Variants in PCDHGB3 observed in about 807,000 individuals in gnomAD.
PCDHGB3 encodes the protein protocadherin gamma subfamily B, 3.
Under a neutral mutation model 59.2 loss-of-function variants are expected in PCDHGB3, and 40 were observed. The ratio of observed to expected loss-of-function variants is 0.68; its 90% CI spans 0.52 to 0.88. PCDHGB3 has a LOEUF of 0.88. Ranked by LOEUF, PCDHGB3 falls within the 40% of genes least tolerant of loss-of-function variation. The probability of loss-of-function intolerance (pLI) is 0.00; values close to 1 mark genes in which losing one functional copy is unlikely to be tolerated. For missense variants in PCDHGB3, 1,309 were observed against 1,187.9 expected (o/e 1.10, Z -1.50); for synonymous variants, 581 against 503.6 (o/e 1.15, Z -2.06).
intron 1 of PCDHGB3, chr5:141,413,303 T>G (rs772421197): frequency 6.8e-6 from 11 of 1,613,942 alleles, no homozygotes; most frequent in Middle Eastern, 3.3e-4. Flanking sequence ...CCTGAGGAAT[T>G]AGAGAAAGGC....
intron 1 of PCDHGB3, chr5:141,376,039 C>T (rs1772194852): frequency 7.4e-6 from 12 of 1,613,226 alleles, no homozygotes; most frequent in Non-Finnish European, 1.0e-5. Context: ...ACGGCCAGCC[C>T]CCTCTCTCCG....
At chr5:141,440,443 T>A (rs979101512) in intron 1 of PCDHGB3, 2 of 152,152 alleles carry the variant, frequency 1.3e-5, no homozygotes, top group Admixed American at 1.3e-4. Flanking sequence ...CAAGGCGCCA[T>A]CTCAAAAAAA....
chr5:141,374,528 T>A (rs759567011), intron 1 of PCDHGB3: 1 of 1,613,048 alleles, frequency 6.2e-7, no homozygotes. Flanking sequence ...CGCAGCTCCA[T>A]CCTCTCGTTT....
rs539406412 is a variant in PCDHGB3, at chr5:141,427,895, G to A, written c.2415+55086G>A. ...CGATGCAGGCCCACGACCAGGGCTCGCCCGCGCTCAGCGCCAACATGAGCC... is the reference window on the plus strand; with the variant it reads ...CGATGCAGGCCCACGACCAGGGCTCACCCGCGCTCAGCGCCAACATGAGCC... On this transcript the variant is annotated intron_variant, in intron 1 of 3. Transcript: ENST00000576222. 373 of 1,569,222 alleles carry A rather than the reference G, an allele frequency of 2.4e-4. 2 individuals are homozygous for A. In the South Asian group the frequency reaches 3.9e-3, roughly 17 times the overall value.
chr5:141,477,804 A>G lies in PCDHGB3; in HGVS notation c.2416-17003A>G. The G allele has an allele frequency of 6.2e-7, 1 of 1,614,088 alleles. No individual in the cohort carries two copies. ...ATATTTGTCACTGATCGCAATGACA[A>G]TGCCCCCCAGGTCCTATATCCTCGG... On this transcript the variant is annotated intron_variant, in intron 1 of 3. Transcript: ENST00000576222. The surrounding 1 kb of genome is among the most constrained non-coding windows in gnomAD (Gnocchi z 4.9).
intron 3 of PCDHGB3, 134 bp downstream of exon 3, chr5:141,505,615 C>T: frequency 2.0e-6 from 3 of 1,504,946 alleles, no homozygotes; most frequent in Non-Finnish European, 1.8e-6. Flanking sequence ...TCTGAAAGGA[C>T]CCACAATTCC....
chr5:141,399,310 A>G, intron 1 of PCDHGB3: 2 of 1,613,936 alleles, frequency 1.2e-6, no homozygotes, highest in Non-Finnish European at 1.7e-6. Context: ...CTCTTCATCC[A>G]AAAATTCGTA....
chr5:141,413,760 C>G (rs778067298), intron 1 of PCDHGB3: 2 of 1,613,250 alleles, frequency 1.2e-6, no homozygotes, highest in African/African-American at 2.7e-5. Context: ...GCGTCAAGTA[C>G]CCGGAGCTGG....
chr5:141,415,368 T>C (rs762653261), intron 1 of PCDHGB3: 1 of 1,614,244 alleles, frequency 6.2e-7, no homozygotes, highest in Non-Finnish European at 8.5e-7. Context: ...TGCTGCAGGC[T>C]TCAGGAGGCG....
chr5:141,409,486 C>T, intron 1 of PCDHGB3: 1 of 1,613,992 alleles, frequency 6.2e-7, no homozygotes, highest in Non-Finnish European at 8.5e-7. Context: ...CTGACAGGGG[C>T]AAGCCGCCTC....
At chr5:141,467,005 G>A (rs1365805332) in intron 1 of PCDHGB3, among the ~76,000 whole-genome samples, 3 of 150,724 alleles carry the variant, frequency 2.0e-5, no homozygotes, top group Non-Finnish European at 4.4e-5. Flanking sequence ...TTTTTGCAAT[G>A]CAATTTTTTT....
At position 141,431,782 on chromosome 5, in the gene PCDHGB3, C is replaced by A. The variant is rs767269112; in HGVS notation, c.2415+58973C>A. The A allele has an allele frequency of 6.2e-7, 1 of 1,614,082 alleles. No homozygotes were observed. On this transcript the variant is annotated intron_variant, in intron 1 of 3. Transcript: ENST00000576222. This position sits in a 1 kb window ranked among gnomAD's most constrained non-coding sequence, Gnocchi z 4.8. Reference sequence around the variant, plus strand: ...TCCTGATCACTGTTCTGGACGTGAACGACAATGCCCCAGAAGTGGTCCTCA... The same window carrying A: ...TCCTGATCACTGTTCTGGACGTGAAAGACAATGCCCCAGAAGTGGTCCTCA...
chr5:141,382,880 G>A, intron 1 of PCDHGB3: 1 of 1,526,962 alleles, frequency 6.5e-7, no homozygotes, highest in Non-Finnish European at 8.8e-7. Context: ...CGGCGCCTAA[G>A]CAAGAGAAGC....
chr5:141,396,626 A>G (rs1273835228), intron 1 of PCDHGB3: 1 of 152,182 alleles, frequency 6.6e-6, no homozygotes, highest in African/African-American at 2.4e-5. Flanking sequence ...TCTCAAAAAA[A>G]AAAAAAACTA....
At chr5:141,484,404 G>C (rs1333849091) in intron 1 of PCDHGB3, among the ~76,000 whole-genome samples, 3 of 152,174 alleles carry the variant, frequency 2.0e-5, no homozygotes, top group Non-Finnish European at 4.4e-5. Flanking sequence ...GGTTTCCGCT[G>C]TGTCTCCTGT....
intron 1 of PCDHGB3, chr5:141,414,983 G>C: frequency 6.2e-7 from 1 of 1,613,716 alleles, no homozygotes; most frequent in Non-Finnish European, 8.5e-7. Context: ...AGAGACTCCG[G>C]CCAGAACGCC....
intron 1 of PCDHGB3, among the ~76,000 whole-genome samples, chr5:141,386,767 T>A (rs749741311): frequency 5.3e-5 from 8 of 152,202 alleles, no homozygotes; most frequent in Non-Finnish European, 1.0e-4. Flanking sequence ...TTATAAGGTA[T>A]TTTGTAAAAG....
intron 1 of PCDHGB3, chr5:141,389,539 A>G (rs762558713): frequency 6.2e-7 from 1 of 1,613,218 alleles, no homozygotes; most frequent in Non-Finnish European, 8.5e-7. Context: ...TTAGTGGACG[A>G]CCGCAACGAC....
Position 141,371,148 on chromosome 5 carries a change from G to A in PCDHGB3, c.754G>A (p.Ala252Thr). ...FTQDMYRVNV[A>T]ENLPAGSSVL... ...TCAGGACATGTACAGGGTCAATGTT[G>A]CAGAGAACCTGCCCGCTGGCTCCTC... The change falls in exon 1 of 4, where the codon GCA becomes ACA. Residue 252 changes from alanine to threonine, a missense_variant. Transcript: ENST00000576222. The A allele has an allele frequency of 6.2e-7, 1 of 1,614,010 alleles. No individual in the cohort carries two copies. The highest frequency in any genetic ancestry group is 8.5e-7 in the Non-Finnish European group (1 of 1,179,904).
Sources: gnomAD v4.1 joint callset for allele counts (sites outside exome capture counted in the v4.1 genomes callset) on GRCh38, gnomAD v4.1.1 for gene constraint, Gnocchi (gnomAD v3.1) non-coding constraint, MANE v1.5 for transcripts, NCBI Gene and HGNC (gene_info 2026-07-23, HGNC 2026-07-21) for gene names.